The following EXOC7 variants were observed in gnomAD, a reference collection of about 807,000 sequenced individuals.
The protein encoded by EXOC7 is exocyst complex component Exo70.
In EXOC7, 51 loss-of-function variants were observed where a neutral mutation model predicts 87.6. The ratio of observed to expected loss-of-function variants is 0.58; its 90% CI spans 0.46 to 0.73. The LOEUF (loss-of-function observed/expected upper bound fraction) is 0.73. EXOC7 is among the 30% of genes least tolerant of loss of function. The pLI, the probability that EXOC7 is intolerant of heterozygous loss-of-function variation, is 0.00. For missense variants in EXOC7, 744 were observed against 888.4 expected (o/e 0.84, Z 2.07); for synonymous variants, 327 against 357.1 (o/e 0.92, Z 0.95).
At chr17:76,099,055 T>C (rs1212807132) in intron 4 of EXOC7, among the ~76,000 whole-genome samples, 1 of 152,166 alleles carries the variant, frequency 6.6e-6, no homozygotes, top group Non-Finnish European at 1.5e-5. Flanking sequence ...AAAATATTTG[T>C]AAACTATGTA....
intron 4 of EXOC7, 81 bp from the exon 5 acceptor site, chr17:76,098,099 C>T: frequency 7.8e-7 from 1 of 1,277,262 alleles, no homozygotes; most frequent in Non-Finnish European, 1.1e-6. Flanking sequence ...TGTGCCAGCT[C>T]TGTCTTCTTA....
rs780785875 is a variant in EXOC7, at chr17:76,085,755, G to A, written c.1538C>T (p.Ser513Phe). 6.2e-7 allele frequency: 1 copy of A among 1,613,742 alleles called. No individual in the cohort carries two copies. The highest frequency in any genetic ancestry group is 1.1e-5 in the South Asian group (1 of 91,042). ...CAGAGCTGGGTCCTCGTACACCTTG[G>A]ACTTGCTCAGCAAGTTCAACTGCAG... Reference protein sequence around the residue: ...GNLQLNLLSKSKVYEDPALSA... With the variant: ...GNLQLNLLSKFKVYEDPALSA... The change falls in exon 14 of 19, where the codon TCC (serine) becomes TTC (phenylalanine). Residue 513 changes from serine (S) to phenylalanine (F), a missense_variant. Around this residue, in one of 3 missense-constraint regions of EXOC7, gnomAD observed 228 missense variants for 298.6 expected, o/e 0.76. Coordinates refer to ENST00000589210, the MANE Select transcript of EXOC7 (RefSeq NM_001013839.4).
At chr17:76,089,527 T>A in intron 7 of EXOC7, 1 of 610,366 alleles carries the variant, frequency 1.6e-6, no homozygotes, top group East Asian at 2.8e-5. Context: ...CAGCCTTTGT[T>A]CTGGCTTCAT....
rs779118668 is a variant in EXOC7 at position 76,097,862 on chromosome 17, G to A, written c.574C>T (p.Pro192Ser). The part of the protein sequence containing the change: ...AQEDVTLEHL[P>S]ESVLQDVIRI... ...ATGACATCCTGGAGCACGCTCTCGG[G>A]CAGGTGCTCCAGGGTCACGTCCTCC... is the stretch of plus-strand genomic sequence containing the variant. Residue 192 changes from proline (P) to serine (S), a missense_variant, in exon 5 of 19, where the codon CCC (proline) becomes TCC (serine). Transcript: ENST00000589210. 1.2e-6 allele frequency: 2 copies of A among 1,614,086 alleles called. No homozygotes were observed. Among genetic ancestry groups the A allele is most frequent in the Non-Finnish European group, 1.7e-6 (2 of 1,180,030 alleles).
Position 76,081,432 on chromosome 17 carries a change from G to T in EXOC7, c.*2216C>A. 1 of 1,613,532 alleles carries T rather than the reference G, an allele frequency of 6.2e-7. No individual in the cohort carries two copies. Among genetic ancestry groups the T allele is most frequent in the Non-Finnish European group, 8.5e-7 (1 of 1,179,796 alleles). ...GTCAAGTCGGGAGGAGGCCGACAGA[G>T]GGCTGCTGGAGGCGGGTGGGAGTGA... On this transcript the variant is annotated 3_prime_UTR_variant, in exon 19 of 19. Coordinates refer to ENST00000589210, the MANE Select transcript of EXOC7 (RefSeq NM_001013839.4).
rs750555414 is a variant in EXOC7 at position 76,081,820 on chromosome 17, G to A, written c.*1828C>T. 51 of 1,610,806 alleles carry A rather than the reference G, an allele frequency of 3.2e-5. No individual in the cohort carries two copies. The highest frequency in any genetic ancestry group is 6.7e-5 in the African/African-American group (5 of 74,812). On this transcript the variant is annotated 3_prime_UTR_variant, in exon 19 of 19. Transcript: ENST00000589210. ...CCGGTCACCCACTGGTGCTCAGCTC[G>A]CTGGGCACCAGAGACACAGGGACTG...
chr17:76,081,516 C>T lies in EXOC7; in HGVS notation c.*2132G>A, dbSNP rs764238220. On this transcript the variant is annotated 3_prime_UTR_variant, in exon 19 of 19. Transcript: ENST00000589210. ...CGATGCCCACCTCCTTCCCCCCCGC[C>T]GGGAAGGCCCTGACTTTTCCCCTTC... The T allele has an allele frequency of 1.6e-5, 25 of 1,611,058 alleles. No individual in the cohort carries two copies. Among genetic ancestry groups the T allele is most frequent in the South Asian group, 6.6e-5 (6 of 91,048 alleles).
intron 15 of EXOC7, chr17:76,085,112 T>G: frequency 3.4e-6 from 2 of 585,570 alleles, no homozygotes; most frequent in East Asian, 2.8e-5. Context: ...AAAGTGGCCA[T>G]AGTGGGCCCC....
Position 76,097,783 on chromosome 17 carries a change from C to T in EXOC7, c.640+13G>A. The T allele has an allele frequency of 6.2e-7, 1 of 1,601,008 alleles. No individual in the cohort carries two copies. Among genetic ancestry groups the T allele is most frequent in the Non-Finnish European group, 8.5e-7 (1 of 1,170,344 alleles). ...CCTCTGGTGTGTCATGTGGCCAAGC[C>T]AGAATCCCTTACCTTGGTTGCGGCC... On this transcript the variant is annotated intron_variant, in intron 5 of 18. Transcript: ENST00000589210.
At chr17:76,096,095 G>A (rs954330256) in intron 5 of EXOC7, among the ~76,000 whole-genome samples, 5 of 152,314 alleles carry the variant, frequency 3.3e-5, no homozygotes, top group Admixed American at 2.0e-4. Flanking sequence ...GAGCCACAAC[G>A]TGTTCATGTG....
intron 11 of EXOC7, 64 bp from the exon 12 acceptor site, chr17:76,087,784 G>C: frequency 2.0e-6 from 3 of 1,517,542 alleles, no homozygotes; most frequent in Non-Finnish European, 1.8e-6. Flanking sequence ...CTCCCACAGC[G>C]ACCCCTCTGA....
rs577651469 is a variant in EXOC7, at chr17:76,090,663, G to A, written c.901+480C>T. Reference sequence around the variant, plus strand: ...AGCCTGGAGGCCCAGGGAAAGCGGAGAAGGACCAAGGAGGGGCTGAAGAGC... The same window carrying A: ...AGCCTGGAGGCCCAGGGAAAGCGGAAAAGGACCAAGGAGGGGCTGAAGAGC... On this transcript the variant is annotated intron_variant, in intron 7 of 18. Coordinates refer to ENST00000589210, the MANE Select transcript of EXOC7 (RefSeq NM_001013839.4). 2.0e-4 allele frequency: 124 copies of A among 623,218 alleles called. 2 individuals carry two copies. The South Asian group carries it at 2.2e-3, about 11-fold the overall frequency. 38.6% of individuals were successfully genotyped at this position (623,218 alleles called of 1,614,324 possible). A position where few individuals can be genotyped will look rare whatever the true frequency, so the allele number is the denominator to read the frequency against.
chr17:76,088,577 G>A lies in EXOC7; in HGVS notation c.1201-15C>T, dbSNP rs1346216792. The A allele has an allele frequency of 1.2e-6, 2 of 1,611,374 alleles. No homozygotes were observed. The highest frequency in any genetic ancestry group is 1.7e-6 in the Non-Finnish European group (2 of 1,178,770). On this transcript the variant is annotated splice_polypyrimidine_tract_variant and intron_variant, in intron 9 of 18. Transcript: ENST00000589210. ...GCAGCCGTGCCCTGAGGAAGCACAG[G>A]GGAGCCCCCAGCTCACCTCCAGTCG...
At chr17:76,101,115 C>A in intron 4 of EXOC7, 156 bp downstream of exon 4, 1 of 1,258,956 alleles carries the variant, frequency 7.9e-7, no homozygotes, top group South Asian at 3.7e-5. Flanking sequence ...ATGTGCAATT[C>A]TTGAAGCAGA....
Position 76,101,804 on chromosome 17 carries a change from A to C in EXOC7, c.186T>G (p.Pro62=). 6.2e-7 allele frequency: 1 copy of C among 1,614,054 alleles called. No individual in the cohort carries two copies. The highest frequency in any genetic ancestry group is 8.5e-7 in the Non-Finnish European group (1 of 1,180,014). ...RLMKLENSII[P]VHKQTENLQR... is the part of the protein sequence containing the mutation. ...GCAGATTCTCCGTCTGCTTGTGCACAGGGATGATGGAGTTCTCCAGCTTCA... is the reference window on the plus strand; with the variant it reads ...GCAGATTCTCCGTCTGCTTGTGCACCGGGATGATGGAGTTCTCCAGCTTCA... The change falls in exon 3 of 19, where the codon CCT becomes CCG. Residue 62 remains proline (P), a synonymous_variant. Transcript: ENST00000589210.
At chr17:76,085,819 C>G in intron 13 of EXOC7, 22 bp from the exon 14 acceptor site, 1 of 1,606,992 alleles carries the variant, frequency 6.2e-7, no homozygotes, top group South Asian at 1.1e-5. Flanking sequence ...AAAATGGGGC[C>G]ACACCCACCA....
chr17:76,084,719 G>C, intron 15 of EXOC7, 139 bp from the exon 16 acceptor site: 1 of 672,696 alleles, frequency 1.5e-6, no homozygotes, highest in South Asian at 1.9e-5. Flanking sequence ...CAAACAACAG[G>C]TTTTCTTCCT....
intron 6 of EXOC7, 57 bp from the exon 7 acceptor site, chr17:76,091,292 A>C (rs2067469002): frequency 4.7e-6 from 7 of 1,499,932 alleles, no homozygotes; most frequent in Non-Finnish European, 6.5e-6. Flanking sequence ...GAGTGAGAGA[A>C]AACAGCAGCG....
At chr17:76,088,262 AG>A in intron 10 of EXOC7, 140 bp from the exon 11 acceptor site, 1 of 1,006,774 alleles carries the variant, frequency 9.9e-7, no homozygotes, top group Non-Finnish European at 1.5e-6. Context: ...GGCTGGACCA[AG>A]GGGGAGAGGC....
Sources: allele counts gnomAD v4.1 joint callset (sites outside exome capture counted in the v4.1 genomes callset), GRCh38; gene constraint gnomAD v4.1.1; regional missense constraint gnomAD v4.1.1; transcripts MANE v1.5; gene names NCBI Gene and HGNC (gene_info 2026-07-23, HGNC 2026-07-21).